Variants in CNTN5 observed in about 807,000 individuals in gnomAD.
The protein encoded by CNTN5 is contactin 5.
CNTN5 carries 77 observed loss-of-function variants against 129.1 expected under a neutral mutation model. The observed-to-expected ratio is 0.60, with a 90% CI of 0.50 to 0.72. CNTN5 has a LOEUF of 0.72. CNTN5 is among the 30% of genes least tolerant of loss of function. The pLI is 0.00. For missense variants in CNTN5, 1,478 were observed against 1,328.8 expected (o/e 1.11, Z -1.75); for synonymous variants, 509 against 465.6 (o/e 1.09, Z -1.20).
rs1335639284 is a variant in CNTN5, at chr11:100,286,769, G to A, written c.2315-10856G>A. On this transcript the variant is annotated intron_variant, in intron 18 of 24. Coordinates refer to ENST00000524871, the MANE Select transcript of CNTN5 (RefSeq NM_014361.4). ...AAGCTGGATGGAGAATGACTTTGATGAGCTGAGAGAAGAAGGCTTCAGATG... is the reference window on the plus strand; with the variant it reads ...AAGCTGGATGGAGAATGACTTTGATAAGCTGAGAGAAGAAGGCTTCAGATG... Among the ~76,000 whole-genome samples, 984 of 147,798 alleles carry A rather than the reference G, an allele frequency of 6.7e-3. 31 individuals carry two copies. Among genetic ancestry groups the A allele is most frequent in the African/African-American group, 0.023 (915 of 39,372 alleles).
chr11:99,653,212 ACAGATTGGATTTGT>A (rs1312507244), intron 3 of CNTN5, among the ~76,000 whole-genome samples: 6 of 152,008 alleles, frequency 3.9e-5, no homozygotes, highest in Admixed American at 6.6e-5. Context: ...GAACTCATAG[ACAGATTGGATTTGT>A]ACTACTAAAC....
chr11:100,342,197 T>C (rs1952180141), intron 23 of CNTN5, among the ~76,000 whole-genome samples: 1 of 129,500 alleles, frequency 7.7e-6, no homozygotes, highest in Non-Finnish European at 1.6e-5. Flanking sequence ...CCATCAGTAA[T>C]GGTCGGGAAT....
At chr11:99,125,937 G>A (rs561769575) in intron 1 of CNTN5, among the ~76,000 whole-genome samples, 27 of 152,044 alleles carry the variant, frequency 1.8e-4, no homozygotes, top group South Asian at 6.2e-4. Context: ...GCTCTAATTC[G>A]TACAATTCCA....
chr11:100,288,934 C>T (rs1334493322), intron 18 of CNTN5, among the ~76,000 whole-genome samples: 4 of 151,944 alleles, frequency 2.6e-5, no homozygotes, highest in Non-Finnish European at 5.9e-5. Context: ...GATATCACCA[C>T]CGATCCCACA....
At chr11:100,086,160 G>C (rs1591210111) in intron 13 of CNTN5, among the ~76,000 whole-genome samples, 1 of 151,656 alleles carries the variant, frequency 6.6e-6, no homozygotes, top group South Asian at 2.1e-4. Context: ...GGTAGTCTTT[G>C]AAAGACTCAG....
intron 2 of CNTN5, among the ~76,000 whole-genome samples, chr11:99,467,724 A>G (rs1423643180): frequency 2.0e-5 from 3 of 152,122 alleles, no homozygotes; most frequent in Non-Finnish European, 4.4e-5. Flanking sequence ...ATACTTAACT[A>G]AAGTTAATTA....
At chr11:99,461,438 C>T (rs1375087137) in intron 2 of CNTN5, among the ~76,000 whole-genome samples, 1 of 151,974 alleles carries the variant, frequency 6.6e-6, no homozygotes, top group Admixed American at 6.6e-5. Context: ...AAGAGATCGC[C>T]TATGAAGACC....
intron 13 of CNTN5, among the ~76,000 whole-genome samples, chr11:100,076,344 G>T (rs1367509056): frequency 6.6e-6 from 1 of 152,028 alleles, no homozygotes; most frequent in African/African-American, 2.4e-5. Context: ...CAATAAGAAT[G>T]TTCTTCATCA....
At chr11:99,873,949 A>G (rs560348452) in intron 6 of CNTN5, among the ~76,000 whole-genome samples, 2 of 152,238 alleles carry the variant, frequency 1.3e-5, no homozygotes, top group South Asian at 4.1e-4. Context: ...TCCTAAGTGA[A>G]CTAACTCTGA....
intron 7 of CNTN5, among the ~76,000 whole-genome samples, chr11:99,941,721 C>T (rs1007369744): frequency 2.0e-5 from 3 of 151,932 alleles, no homozygotes; most frequent in East Asian, 1.9e-4. Flanking sequence ...ATGAGCCATG[C>T]AGGTAACTGG....
At chr11:99,158,336 C>T (rs1369157088) in intron 1 of CNTN5, among the ~76,000 whole-genome samples, 1 of 152,070 alleles carries the variant, frequency 6.6e-6, no homozygotes, top group Non-Finnish European at 1.5e-5. Context: ...ATGAAATGTT[C>T]GTGTCTTGGA....
chr11:99,505,464 T>A (rs549267695), intron 2 of CNTN5, among the ~76,000 whole-genome samples: 169 of 151,884 alleles, frequency 1.1e-3, no homozygotes, highest in Non-Finnish European at 2.2e-3. Context: ...AAGAATAGAG[T>A]TTTTTGAGAG....
At chr11:100,046,775 C>T (rs1333874318) in intron 9 of CNTN5, among the ~76,000 whole-genome samples, 1 of 151,690 alleles carries the variant, frequency 6.6e-6, no homozygotes, top group Admixed American at 6.6e-5. Flanking sequence ...CAATTGTAGA[C>T]TATGAAAAAA....
At chr11:99,960,107 A>G (rs1356139490) in intron 8 of CNTN5, among the ~76,000 whole-genome samples, 1 of 152,218 alleles carries the variant, frequency 6.6e-6, no homozygotes, top group Non-Finnish European at 1.5e-5. Context: ...GCTAGAAAAT[A>G]TCTGCACGTC....
At chr11:99,945,039 C>G (rs1434609802) in intron 7 of CNTN5, among the ~76,000 whole-genome samples, 1 of 151,952 alleles carries the variant, frequency 6.6e-6, no homozygotes, top group African/African-American at 2.4e-5. Context: ...TAAAATGAAG[C>G]ATTGATGATA....
At chr11:100,150,701 C>CACAACTTAGTTTTCT (rs1250311945) in intron 13 of CNTN5, among the ~76,000 whole-genome samples, 1 of 151,762 alleles carries the variant, frequency 6.6e-6, no homozygotes, top group Non-Finnish European at 1.5e-5. Flanking sequence ...ATCAACAAAA[C>CACAACTTAGTTTTCT]ACAACTTAGT....
chr11:99,913,627 G>A (rs1232141541), intron 6 of CNTN5, among the ~76,000 whole-genome samples: 1 of 151,932 alleles, frequency 6.6e-6, no homozygotes, highest in East Asian at 1.9e-4. Flanking sequence ...TTGGGTCATT[G>A]GGATCTCAAA....
intron 1 of CNTN5, among the ~76,000 whole-genome samples, chr11:99,190,076 G>A (rs2100832): frequency 0.5 from 75,906 of 150,932 alleles, 19,368 homozygotes; most frequent in Middle Eastern, 0.64. Context: ...GTTGATTTTT[G>A]TATGTAGTAT....
intron 2 of CNTN5, among the ~76,000 whole-genome samples, chr11:99,410,478 A>G (rs1942343080): frequency 6.6e-6 from 1 of 152,160 alleles, no homozygotes; most frequent in Non-Finnish European, 1.5e-5. Flanking sequence ...TAGATGCCTG[A>G]TGTGAGTCCA....
Sources: gnomAD v4.1 joint callset for allele counts (sites outside exome capture counted in the v4.1 genomes callset) on GRCh38, gnomAD v4.1.1 for gene constraint, MANE v1.5 for transcripts, NCBI Gene and HGNC (gene_info 2026-07-23, HGNC 2026-07-21) for gene names.